Variants in WDR93 observed in about 807,000 individuals in gnomAD.
WDR93 encodes the protein WD repeat-containing protein 93.
A neutral mutation model predicts 82.9 loss-of-function variants in WDR93; 73 were observed. The ratio of observed to expected loss-of-function variants is 0.88; its 90% CI spans 0.73 to 1.07. The LOEUF (loss-of-function observed/expected upper bound fraction) is 1.07, where lower values mean the gene tolerates loss of function less well. WDR93 is among the 50% of genes least tolerant of loss of function. The pLI is 0.00. For missense variants in WDR93, 738 were observed against 826.0 expected (o/e 0.89, Z 1.31); for synonymous variants, 283 against 300.1 (o/e 0.94, Z 0.59).
At chr15:89,700,565 T>G (rs1193872859) in intron 1 of WDR93, among the ~76,000 whole-genome samples, 1 of 23,552 alleles carries the variant, frequency 4.2e-5, no homozygotes, top group Non-Finnish European at 1.2e-4. Flanking sequence ...GAGGGTTTTT[T>G]TTTTTTTTTT....
chr15:89,730,310 G>GC, intron 11 of WDR93, among the ~76,000 whole-genome samples: 1 of 127,538 alleles, frequency 7.8e-6, no homozygotes, highest in East Asian at 2.1e-4. Context: ...GGGTGACAGA[G>GC]CAAGACTATC....
chr15:89,696,516 A>G (rs1965184760), intron 1 of WDR93, among the ~76,000 whole-genome samples: 1 of 151,892 alleles, frequency 6.6e-6, no homozygotes, highest in African/African-American at 2.4e-5. Context: ...TTTGTTTGAG[A>G]CAGGGCCTCA....
At chr15:89,732,266 A>G (rs1966868471) in intron 12 of WDR93, among the ~76,000 whole-genome samples, 1 of 152,210 alleles carries the variant, frequency 6.6e-6, no homozygotes, top group Admixed American at 6.5e-5. Context: ...CCCTCCTGGC[A>G]GGTGCAGAGC....
At chr15:89,732,947 G>GC in intron 12 of WDR93, 59 bp from the exon 13 acceptor site, 1 of 1,521,150 alleles carries the variant, frequency 6.6e-7, no homozygotes, top group Non-Finnish European at 9.1e-7. Flanking sequence ...CAGCCCCTGT[G>GC]CCCATGGCCT....
Position 89,735,470 on chromosome 15 carries a change from G to C in WDR93, c.1545-20G>C, listed in dbSNP as rs1567129459. 6.2e-7 allele frequency: 1 copy of C among 1,613,062 alleles called. No homozygotes were observed. The highest frequency in any genetic ancestry group is 8.5e-7 in the Non-Finnish European group (1 of 1,179,104). On this transcript the variant is annotated intron_variant, in intron 13 of 16. Transcript: ENST00000268130. Reference sequence around the variant, plus strand: ...AAACTCTTAAAGTAGGAGAATGTCTGTATATTTTCTGTCCTATAGGCCTGT... The same window carrying C: ...AAACTCTTAAAGTAGGAGAATGTCTCTATATTTTCTGTCCTATAGGCCTGT...
At chr15:89,728,775 G>A (rs750579364) in intron 9 of WDR93, among the ~76,000 whole-genome samples, 14 of 152,136 alleles carry the variant, frequency 9.2e-5, no homozygotes, top group Non-Finnish European at 2.1e-4. Flanking sequence ...GCTGTCTCTG[G>A]CAAGAGCTCT....
chr15:89,712,032 A>C lies in WDR93; in HGVS notation c.568A>C (p.Thr190Pro), dbSNP rs1196405452. The change falls in exon 5 of 17, where the codon ACC becomes CCC. Residue 190 changes from threonine to proline, a missense_variant. Physicochemically the swap from Thr to Pro is conservative, Grantham distance 38. Transcript: ENST00000268130. ...LVKAINEVDD[T>P]SKQTTCIKME... ...ACATCTCTTTTGTTTTCAGGATGAT[A>C]CCAGCAAGCAAACTACCTGTATAAA... is the stretch of plus-strand genomic sequence containing the variant. 4.3e-6 allele frequency: 7 copies of C among 1,612,774 alleles called. No individual in the cohort carries two copies. The African/African-American group carries it at 5.3e-5, about 12-fold the overall frequency.
At chr15:89,710,597 C>T (rs72752568) in intron 4 of WDR93, among the ~76,000 whole-genome samples, 8,150 of 151,838 alleles carry the variant, frequency 0.054, 281 homozygotes, top group Middle Eastern at 0.099. Flanking sequence ...TTTAAATAAA[C>T]TCTCCTAAGA....
At chr15:89,740,969 G>A (rs923115314) in intron 16 of WDR93, among the ~76,000 whole-genome samples, 8 of 151,928 alleles carry the variant, frequency 5.3e-5, no homozygotes, top group Admixed American at 1.3e-4. Flanking sequence ...GTGAAACCCC[G>A]TCTCTACTAA....
chr15:89,738,341 C>G, intron 16 of WDR93, 105 bp downstream of exon 16: 1 of 1,380,834 alleles, frequency 7.2e-7, no homozygotes, highest in South Asian at 1.5e-5. Context: ...TTGAAATTTC[C>G]CCTGGCTGGG....
intron 9 of WDR93, 75 bp downstream of exon 9, chr15:89,727,403 C>A: frequency 6.7e-7 from 1 of 1,500,060 alleles, no homozygotes; most frequent in Non-Finnish European, 9.1e-7. Flanking sequence ...AGGAATCAAC[C>A]CAGGGACCTG....
At chr15:89,715,773 A>C (rs1023783045) in intron 6 of WDR93, among the ~76,000 whole-genome samples, 1 of 151,930 alleles carries the variant, frequency 6.6e-6, no homozygotes, top group Admixed American at 6.6e-5. Context: ...TTTAGTAGAG[A>C]CGGGGTTTCA....
At chr15:89,722,268 T>A (rs1316877571) in intron 8 of WDR93, 129 bp downstream of exon 8, 2 of 751,134 alleles carry the variant, frequency 2.7e-6, no homozygotes, top group Non-Finnish European at 2.0e-6. Context: ...GAAGAGGAAA[T>A]TTTTTTTAAA....
intron 8 of WDR93, among the ~76,000 whole-genome samples, chr15:89,725,552 T>TG (rs1054079173): frequency 2.7e-5 from 4 of 147,262 alleles, no homozygotes; most frequent in African/African-American, 1.0e-4. Flanking sequence ...ATTTCTTTTT[T>TG]TTTTTCTTTT....
chr15:89,729,626 C>T, intron 10 of WDR93, 57 bp from the exon 11 acceptor site: 2 of 1,397,050 alleles, frequency 1.4e-6, no homozygotes, highest in East Asian at 2.3e-5. Flanking sequence ...CCAAAGGCCA[C>T]CCAGATTTCC....
Position 89,733,154 on chromosome 15 carries a change from C to T in WDR93, c.1479C>T (p.Asp493=), listed in dbSNP as rs760843965. The change falls in exon 13 of 17, where the codon GAC becomes GAT. Residue 493 remains aspartate, a synonymous_variant. Transcript: ENST00000268130. ...SQMKCVVLCT[D]ASLHLVEASG... The stretch of plus-strand genomic sequence containing the variant: ...TGAAATGTGTGGTGCTGTGCACAGA[C>T]GCCTCCCTCCATCTGGTGGAGGCTA... 1.3e-5 allele frequency: 21 copies of T among 1,614,158 alleles called. No homozygotes were observed. The highest frequency in any genetic ancestry group is 1.0e-4 in the Admixed American group (6 of 60,028).
intron 9 of WDR93, among the ~76,000 whole-genome samples, chr15:89,728,817 G>C (rs910449244): frequency 2.6e-5 from 4 of 152,128 alleles, no homozygotes; most frequent in Non-Finnish European, 5.9e-5. Context: ...GTGATTCCCA[G>C]CCCCACCCAA....
chr15:89,742,204 T>C (rs559474112), intron 16 of WDR93, among the ~76,000 whole-genome samples: 42 of 152,260 alleles, frequency 2.8e-4, no homozygotes, highest in African/African-American at 8.9e-4. Flanking sequence ...CTGAGCAACA[T>C]AGTGAGACCC....
chr15:89,730,205 A>G (rs1942756505), intron 11 of WDR93, among the ~76,000 whole-genome samples: 1 of 152,016 alleles, frequency 6.6e-6, no homozygotes, highest in South Asian at 2.1e-4. Context: ...TGCGCCTGTA[A>G]TCTCAGCTAC....
Sources: allele counts gnomAD v4.1 joint callset (sites outside exome capture counted in the v4.1 genomes callset), GRCh38; gene constraint gnomAD v4.1.1; transcripts MANE v1.5; gene names NCBI Gene and HGNC (gene_info 2026-07-23, HGNC 2026-07-21).